PCBP3: variants seen among roughly 807,000 people sequenced by gnomAD.
PCBP3 encodes poly(rC)-binding protein 3.
In PCBP3, 25 loss-of-function variants were observed where a neutral mutation model predicts 52.7. The ratio of observed to expected loss-of-function variants is 0.47; its 90% confidence interval spans 0.35 to 0.66. PCBP3 has a LOEUF of 0.66. PCBP3 is among the 30% of genes least tolerant of loss of function. The probability of loss-of-function intolerance (pLI) is 0.01; values close to 1 mark genes in which losing one functional copy is unlikely to be tolerated. For synonymous variants in PCBP3, 162 were observed against 183.0 expected (o/e 0.89, Z 0.93); for missense variants, 391 against 490.3 (o/e 0.80, Z 1.91).
chr21:45,795,673 A>G (rs1475809967), intron 4 of PCBP3, among the ~76,000 whole-genome samples: 1 of 152,238 alleles, frequency 6.6e-6, no homozygotes, highest in Non-Finnish European at 1.5e-5. Flanking sequence ...ATATGACTCT[A>G]AAGGTTAGAG....
chr21:45,661,982 TA>T (rs1389156921), intron 1 of PCBP3, among the ~76,000 whole-genome samples: 1 of 152,178 alleles, frequency 6.6e-6, no homozygotes, highest in Non-Finnish European at 1.5e-5. Context: ...TTAATGGGGT[TA>T]TTTTTTTTTC....
At chr21:45,898,181 C>T (rs1411717807) in intron 6 of PCBP3, among the ~76,000 whole-genome samples, 2 of 152,208 alleles carry the variant, frequency 1.3e-5, no homozygotes, top group Admixed American at 1.3e-4. Flanking sequence ...TGCACGGCCC[C>T]ATCTCCAGCA....
intron 1 of PCBP3, among the ~76,000 whole-genome samples, chr21:45,666,686 T>C (rs909768970): frequency 6.6e-6 from 1 of 152,066 alleles, no homozygotes; most frequent in Admixed American, 6.6e-5. Context: ...AGCCTTCTAG[T>C]TTCTGTGGTT....
At position 45,837,495 on chromosome 21, in the gene PCBP3, C is replaced by T. The variant is rs537236836; in HGVS notation, c.-125-12466C>T. Among the ~76,000 whole-genome samples the T allele has an allele frequency of 1.3e-5, 2 of 152,288 alleles. No individual in the cohort carries two copies. Among genetic ancestry groups the T allele is most frequent in the Non-Finnish European group, 2.9e-5 (2 of 68,018 alleles). On this transcript the variant is annotated intron_variant, in intron 4 of 17. Coordinates refer to ENST00000681687, the MANE Select transcript of PCBP3 (RefSeq NM_001384156.1). This position sits in a 1 kb window ranked among gnomAD's most constrained non-coding sequence, Gnocchi z 4.1. ...AGCTTCAGGTTATAGGGCATGGCTA[C>T]GTGCCTGTGGAAATTCTCCTGCGGG... is the stretch of plus-strand genomic sequence containing the variant.
intron 5 of PCBP3, chr21:45,858,889 C>G (rs189700063): frequency 6.6e-6 from 1 of 152,302 alleles, no homozygotes; most frequent in East Asian, 1.9e-4. Context: ...TGATGGTTTT[C>G]TAAAGCATAG....
At chr21:45,677,743 G>A (rs1375440833) in intron 2 of PCBP3, among the ~76,000 whole-genome samples, 1 of 152,180 alleles carries the variant, frequency 6.6e-6, no homozygotes. Context: ...AAAACTCTAG[G>A]ATCCTTAAGA....
At chr21:45,727,760 A>G (rs923486051) in intron 2 of PCBP3, among the ~76,000 whole-genome samples, 1 of 152,072 alleles carries the variant, frequency 6.6e-6, no homozygotes, top group Non-Finnish European at 1.5e-5. Context: ...TTTGAAAGGT[A>G]CACTCCAGGA....
At chr21:45,663,922 G>A (rs2080591177) in intron 1 of PCBP3, among the ~76,000 whole-genome samples, 1 of 151,764 alleles carries the variant, frequency 6.6e-6, no homozygotes, top group South Asian at 2.1e-4. Flanking sequence ...TGTTCTGATA[G>A]GAATTGCATT....
In PCBP3 at chr21:45,781,022, C is replaced by T. The variant is rs73907877; in HGVS notation, c.-126+25570C>T. ...AAGTAGGTTGTGTCTAGCTGTCCCA[C>T]AGGAAGGTGATCACCAGGAGGCTGT... On this transcript the variant is annotated intron_variant, in intron 4 of 17. Transcript: ENST00000681687. 1.4e-3 allele frequency among the ~76,000 whole-genome samples: 216 copies of T among 152,248 alleles called. 1 individual carries two copies. The highest frequency in any genetic ancestry group is 4.8e-3 in the African/African-American group (200 of 41,544).
At chr21:45,820,204 G>A (rs914217226) in intron 4 of PCBP3, among the ~76,000 whole-genome samples, 1 of 152,258 alleles carries the variant, frequency 6.6e-6, no homozygotes, top group Admixed American at 6.5e-5. Context: ...GCTGTCAGGT[G>A]TTTTTGGTGT....
chr21:45,888,398 G>T (rs1435514018), intron 5 of PCBP3, among the ~76,000 whole-genome samples: 1 of 152,184 alleles, frequency 6.6e-6, no homozygotes, highest in Non-Finnish European at 1.5e-5. Context: ...TGCATTTATG[G>T]GTGCCCGCGG....
At chr21:45,784,722 C>G (rs1020635017) in intron 4 of PCBP3, among the ~76,000 whole-genome samples, 24 of 152,244 alleles carry the variant, frequency 1.6e-4, no homozygotes, top group African/African-American at 5.5e-4. Context: ...CTCGGCCTCC[C>G]GAGGTGCCGG....
intron 2 of PCBP3, among the ~76,000 whole-genome samples, chr21:45,725,707 G>C (rs920681260): frequency 1.3e-5 from 2 of 152,188 alleles, no homozygotes; most frequent in Non-Finnish European, 2.9e-5. Flanking sequence ...CATGCTACAT[G>C]GAGAGCAGGG....
intron 4 of PCBP3, among the ~76,000 whole-genome samples, chr21:45,784,375 TACCTCTACCTCTACCTCTACC>T (rs1306678793): frequency 1.3e-5 from 2 of 148,964 alleles, no homozygotes; most frequent in African/African-American, 5.0e-5. Context: ...CCTCTACCTC[TACCTCTACCTCTACCTCTACC>T]GCTACCTCTA....
At chr21:45,650,790 A>T (rs2079627439) in intron 1 of PCBP3, among the ~76,000 whole-genome samples, 1 of 152,118 alleles carries the variant, frequency 6.6e-6, no homozygotes, top group South Asian at 2.1e-4. Context: ...AATGGTCTGG[A>T]TCTGGACCTT....
intron 5 of PCBP3, among the ~76,000 whole-genome samples, chr21:45,884,336 A>G (rs1178173441): frequency 1.3e-5 from 2 of 152,082 alleles, no homozygotes; most frequent in East Asian, 1.9e-4. Flanking sequence ...TTATTTTATC[A>G]GTAGCATTTT....
rs34156106 is a variant in PCBP3 at position 45,897,999 on chromosome 21, G to A, written c.166-1600G>A. Among the ~76,000 whole-genome samples, 246 of 152,310 alleles carry A rather than the reference G, an allele frequency of 1.6e-3. 1 individual carries two copies. Among genetic ancestry groups the A allele is most frequent in the Middle Eastern group, 6.8e-3 (2 of 294 alleles). ...GGAGGCTCTGAGCTCTAGCCCCACA[G>A]CACTGGCACATCCTAGATTTCCGGG... On this transcript the variant is annotated intron_variant, in intron 6 of 17. Coordinates refer to ENST00000681687, the MANE Select transcript of PCBP3 (RefSeq NM_001384156.1).
At chr21:45,744,184 TA>T (rs1303732740) in intron 3 of PCBP3, 2 of 151,902 alleles carry the variant, frequency 1.3e-5, no homozygotes, top group African/African-American at 2.4e-5. Flanking sequence ...TTTCAGTCTT[TA>T]AAAATTTTTA....
chr21:45,678,443 G>A (rs988331177), intron 2 of PCBP3, among the ~76,000 whole-genome samples: 1 of 152,182 alleles, frequency 6.6e-6, no homozygotes, highest in South Asian at 2.1e-4. Flanking sequence ...CGTTCTCGAT[G>A]TCATTAAGAA....
Sources: allele counts gnomAD v4.1 joint callset (sites outside exome capture counted in the v4.1 genomes callset), GRCh38; gene constraint gnomAD v4.1.1; non-coding constraint Gnocchi (gnomAD v3.1); transcripts MANE v1.5; gene names NCBI Gene and HGNC (gene_info 2026-07-23, HGNC 2026-07-21).